PCSK5: variants seen among roughly 807,000 people sequenced by gnomAD.
PCSK5 encodes the protein proprotein convertase subtilisin/kexin type 5.
Under a neutral mutation model 233.2 loss-of-function variants are expected in PCSK5, and 129 were observed. The ratio of observed to expected loss-of-function variants is 0.55; its 90% CI spans 0.48 to 0.64. The LOEUF is 0.64. Among genes scored for constraint, PCSK5 ranks in the 30% least tolerant of loss-of-function variants. The pLI, the probability that PCSK5 is intolerant of heterozygous loss-of-function variation, is 0.00. For synonymous variants in PCSK5, 825 were observed against 879.2 expected (o/e 0.94, Z 1.09); for missense variants, 2,076 against 2,430.1 (o/e 0.85, Z 3.06).
At chr9:76,071,131 T>C (rs1830466686) in intron 6 of PCSK5, among the ~76,000 whole-genome samples, 1 of 152,206 alleles carries the variant, frequency 6.6e-6, no homozygotes, top group African/African-American at 2.4e-5. Context: ...GATTAATAAC[T>C]AAACATTGCT....
intron 3 of PCSK5, among the ~76,000 whole-genome samples, chr9:75,995,145 G>C (rs934211007): frequency 1.3e-5 from 2 of 152,158 alleles, no homozygotes; most frequent in African/African-American, 4.8e-5. Context: ...TGAGTAGCCA[G>C]GTCCCCCACT....
intron 2 of PCSK5, among the ~76,000 whole-genome samples, chr9:75,976,900 A>C (rs1487983551): frequency 6.6e-6 from 1 of 152,184 alleles, no homozygotes; most frequent in South Asian, 2.1e-4. Flanking sequence ...AGTCATTTCT[A>C]TGCTCTTTGT....
At chr9:76,189,317 T>C in intron 19 of PCSK5, 94 bp downstream of exon 19, 14 of 1,068,576 alleles carry the variant, frequency 1.3e-5, no homozygotes, top group Non-Finnish European at 1.9e-5. Flanking sequence ...GAATTTGTAA[T>C]GATAACACTA....
chr9:75,965,372 T>A (rs1825538359), intron 2 of PCSK5, among the ~76,000 whole-genome samples: 1 of 151,954 alleles, frequency 6.6e-6, no homozygotes, highest in Admixed American at 6.6e-5. Flanking sequence ...TCCCACGATT[T>A]GCGTCTGCAA....
At chr9:76,080,231 C>T (rs1830783304) in intron 7 of PCSK5, among the ~76,000 whole-genome samples, 1 of 152,178 alleles carries the variant, frequency 6.6e-6, no homozygotes, top group Admixed American at 6.6e-5. Flanking sequence ...GTCACAGTGA[C>T]CCTGTATACA....
intron 28 of PCSK5, among the ~76,000 whole-genome samples, chr9:76,308,339 A>G (rs1050887952): frequency 4.6e-5 from 7 of 152,272 alleles, no homozygotes; most frequent in Non-Finnish European, 8.8e-5. Flanking sequence ...AGAAGTAATT[A>G]TGTGTTCAAA....
At chr9:76,038,595 G>GTGT (rs1182795580) in intron 5 of PCSK5, among the ~76,000 whole-genome samples, 2 of 152,136 alleles carry the variant, frequency 1.3e-5, no homozygotes, top group African/African-American at 4.8e-5. Flanking sequence ...CACCCATCTC[G>GTGT]TGTATCACAT....
Position 75,905,715 on chromosome 9 carries a change from C to A in PCSK5, c.192+14342C>A, listed in dbSNP as rs576784162. The stretch of plus-strand genomic sequence containing the variant: ...TCCACTTCCTGTCAGATCAGTGGGG[C>A]CGGTAGACTCTTGTAGCAGGGCGAA... On this transcript the variant is annotated intron_variant, in intron 1 of 37. Coordinates refer to ENST00000674117, the MANE Select transcript of PCSK5 (RefSeq NM_001372043.1). 7.8e-4 allele frequency among the ~76,000 whole-genome samples: 118 copies of A among 152,244 alleles called. 1 individual carries two copies. Among genetic ancestry groups the A allele is most frequent in the African/African-American group, 2.7e-3 (114 of 41,542 alleles).
chr9:76,184,010 A>G (rs1823988336), intron 16 of PCSK5, among the ~76,000 whole-genome samples: 1 of 152,186 alleles, frequency 6.6e-6, no homozygotes, highest in South Asian at 2.1e-4. Context: ...TATTCACAGT[A>G]TACTTGTTCA....
chr9:76,087,028 T>C (rs569947271), intron 7 of PCSK5, among the ~76,000 whole-genome samples: 2 of 152,262 alleles, frequency 1.3e-5, no homozygotes, highest in Non-Finnish European at 2.9e-5. Flanking sequence ...TCTACTATTC[T>C]TTCTCCATGT....
At chr9:76,199,234 C>T (rs1824818924) in intron 20 of PCSK5, among the ~76,000 whole-genome samples, 1 of 152,174 alleles carries the variant, frequency 6.6e-6, no homozygotes, top group Admixed American at 6.6e-5. Context: ...TGGCTTATTG[C>T]TTCTAGGCCA....
chr9:76,197,069 G>A (rs992496143), intron 20 of PCSK5, among the ~76,000 whole-genome samples: 16 of 152,270 alleles, frequency 1.1e-4, no homozygotes, highest in Admixed American at 2.6e-4. Context: ...GGAAGAGAGC[G>A]GGAAGAACAT....
chr9:76,049,194 A>G (rs1019525347), intron 5 of PCSK5, among the ~76,000 whole-genome samples: 6 of 152,220 alleles, frequency 3.9e-5, no homozygotes, highest in African/African-American at 1.4e-4. Context: ...GGCCCATTGC[A>G]GAAAATATTT....
chr9:76,003,733 T>G (rs559918745), intron 3 of PCSK5, among the ~76,000 whole-genome samples: 1 of 152,240 alleles, frequency 6.6e-6, no homozygotes, highest in East Asian at 1.9e-4. Context: ...GTCACAATGA[T>G]TTTTTTTATA....
chr9:76,161,444 C>T (rs1587702865), intron 12 of PCSK5, among the ~76,000 whole-genome samples: 1 of 146,542 alleles, frequency 6.8e-6, no homozygotes. Flanking sequence ...TTATTTCTTG[C>T]TTTTTTTTTT....
In PCSK5 at chr9:76,353,929, C is replaced by T. The variant is rs537801961; in HGVS notation, c.5068-104C>T. 1.0e-5 allele frequency: 8 copies of T among 798,600 alleles called. No homozygotes were observed. The East Asian group carries it at 1.6e-4, about 16-fold the overall frequency. 49.5% of individuals were successfully genotyped at this position (798,600 alleles called of 1,614,324 possible). A position where few individuals can be genotyped will look rare whatever the true frequency, so the allele number is the denominator to read the frequency against. On this transcript the variant is annotated intron_variant, in intron 36 of 37. Coordinates refer to ENST00000674117, the MANE Select transcript of PCSK5 (RefSeq NM_001372043.1). ...CACACCATCCTTCTGCTGTCCCCCA[C>T]ACATCTCCCTCCTTATGAAGACAAG...
chr9:76,211,226 G>A (rs1587763413), intron 20 of PCSK5, among the ~76,000 whole-genome samples: 1 of 152,208 alleles, frequency 6.6e-6, no homozygotes, highest in Non-Finnish European at 1.5e-5. Flanking sequence ...CATGTGGGAT[G>A]AGTTAATTGA....
intron 5 of PCSK5, among the ~76,000 whole-genome samples, chr9:76,064,530 C>T (rs1179345927): frequency 2.0e-5 from 3 of 150,234 alleles, no homozygotes; most frequent in Admixed American, 6.6e-5. Context: ...ACCTCCCTCC[C>T]GGACGGGGTG....
chr9:76,264,516 A>C (rs1333374816), intron 24 of PCSK5, among the ~76,000 whole-genome samples: 1 of 152,188 alleles, frequency 6.6e-6, no homozygotes, highest in Non-Finnish European at 1.5e-5. Flanking sequence ...CAGAGTAAAC[A>C]AACATCTGAC....
Sources: allele counts gnomAD v4.1 joint callset (sites outside exome capture counted in the v4.1 genomes callset), GRCh38; gene constraint gnomAD v4.1.1; transcripts MANE v1.5; gene names NCBI Gene and HGNC (gene_info 2026-07-23, HGNC 2026-07-21).